The following SGCD variants were observed in gnomAD, a reference collection of about 807,000 sequenced individuals.
SGCD encodes the protein sarcoglycan delta, also known as delta-sarcoglycan.
Under a neutral mutation model 36.6 loss-of-function variants are expected in SGCD, and 18 were observed. The observed-to-expected ratio is 0.49, with a 90% CI of 0.34 to 0.73. The LOEUF (loss-of-function observed/expected upper bound fraction) is 0.73, where lower values mean the gene tolerates loss of function less well. Ranked by LOEUF, SGCD falls within the 30% of genes least tolerant of loss-of-function variation. The pLI, the probability that SGCD is intolerant of heterozygous loss-of-function variation, is 0.01. For missense variants in SGCD, 387 were observed against 346.7 expected (o/e 1.12, Z -0.92); for synonymous variants, 133 against 130.6 (o/e 1.02, Z -0.12).
chr5:155,764,430 G>A, the SGCD span, among the ~76,000 whole-genome samples: 3 of 152,174 alleles, frequency 2.0e-5, no homozygotes, highest in African/African-American at 4.8e-5. Context: ...GGCCAGAACT[G>A]TTTTGAGCTG....
intron 3 of SGCD, among the ~76,000 whole-genome samples, chr5:156,418,717 C>G (rs1773161812): frequency 6.6e-6 from 1 of 152,126 alleles, no homozygotes; most frequent in African/African-American, 2.4e-5. Flanking sequence ...GCAGGACATT[C>G]AGAAAACAAA....
chr5:156,364,442 C>A lies in SGCD; in HGVS notation c.192+19765C>A, dbSNP rs370162205. ...TACTTTGCAAATTTGGCTTTGGGGG[C>A]AGTGCATGGCTTATAGGCAGAAGGA... On this transcript the variant is annotated intron_variant, in intron 3 of 8. Transcript: ENST00000337851. 3.3e-5 allele frequency among the ~76,000 whole-genome samples: 5 copies of A among 151,912 alleles called. No homozygotes were observed. The East Asian group carries it at 9.7e-4, about 29-fold the overall frequency.
intron 7 of SGCD, among the ~76,000 whole-genome samples, chr5:156,700,543 C>A (rs75107684): frequency 0.026 from 4,012 of 152,204 alleles, 176 homozygotes; most frequent in African/African-American, 0.091. Context: ...TCCTTTGCAC[C>A]TATTCAAGGA....
At chr5:156,301,237 T>A (rs1767047465) in intron 3 of SGCD, among the ~76,000 whole-genome samples, 1 of 152,084 alleles carries the variant, frequency 6.6e-6, no homozygotes, top group Admixed American at 6.5e-5. Flanking sequence ...AATGTTTTAC[T>A]TTTTATTTTT....
At chr5:156,385,713 G>A (rs761192639) in intron 3 of SGCD, among the ~76,000 whole-genome samples, 2 of 152,186 alleles carry the variant, frequency 1.3e-5, no homozygotes, top group Non-Finnish European at 2.9e-5. Context: ...GGGAGGGAAG[G>A]CAGACAGAAT....
intron 1 of SGCD, among the ~76,000 whole-genome samples, chr5:156,052,690 G>A (rs190950907): frequency 6.9e-6 from 1 of 145,838 alleles, no homozygotes; most frequent in Admixed American, 6.8e-5. Flanking sequence ...AGTGCAAAAT[G>A]CAGGGTTCCT....
At chr5:156,241,331 G>A (rs1305840113) in intron 3 of SGCD, among the ~76,000 whole-genome samples, 3 of 151,044 alleles carry the variant, frequency 2.0e-5, no homozygotes, top group Non-Finnish European at 4.4e-5. Context: ...TTGAAAGTTT[G>A]GAAAATAGTC....
chr5:156,096,299 G>A (rs1761374383), intron 1 of SGCD, among the ~76,000 whole-genome samples: 1 of 152,208 alleles, frequency 6.6e-6, no homozygotes, highest in African/African-American at 2.4e-5. Context: ...AGGTTCAGCT[G>A]CCTGCTACTT....
the SGCD span, among the ~76,000 whole-genome samples, chr5:155,736,316 A>T: frequency 6.6e-6 from 1 of 152,194 alleles, no homozygotes; most frequent in African/African-American, 2.4e-5. Flanking sequence ...CCAAACTAAC[A>T]AGACTCTGAT....
chr5:156,725,744 G>A (rs1009296983), intron 7 of SGCD, among the ~76,000 whole-genome samples: 3 of 152,202 alleles, frequency 2.0e-5, no homozygotes. Context: ...CTGCTCAGCA[G>A]GGGTTATGGG....
chr5:156,479,776 C>A (rs1011192470), intron 3 of SGCD, among the ~76,000 whole-genome samples: 3 of 152,122 alleles, frequency 2.0e-5, no homozygotes, highest in Non-Finnish European at 4.4e-5. Context: ...TAATTTTGTT[C>A]TTAGAGAGGA....
the SGCD span, among the ~76,000 whole-genome samples, chr5:155,849,838 T>C: frequency 6.6e-6 from 1 of 152,176 alleles, no homozygotes. Context: ...GAAGTACAAA[T>C]GTTAGTGAAG....
At chr5:156,648,858 G>A (rs1763339348) in intron 7 of SGCD, among the ~76,000 whole-genome samples, 1 of 152,102 alleles carries the variant, frequency 6.6e-6, no homozygotes, top group African/African-American at 2.4e-5. Context: ...TTGCCTGAGA[G>A]TGCAGTGAAC....
chr5:156,449,353 G>A (rs575268410), intron 3 of SGCD, among the ~76,000 whole-genome samples: 13 of 152,118 alleles, frequency 8.5e-5, no homozygotes, highest in South Asian at 8.3e-4. Flanking sequence ...TTGTAAGGGC[G>A]GAACTAAGTC....
At chr5:155,814,775 A>G in the SGCD span, among the ~76,000 whole-genome samples, 1 of 152,188 alleles carries the variant, frequency 6.6e-6, no homozygotes, top group African/African-American at 2.4e-5. Flanking sequence ...ATCAACCACA[A>G]ACTAAACTCT....
At chr5:155,891,362 A>G (rs1263579640) in intron 1 of SGCD, among the ~76,000 whole-genome samples, 1 of 152,118 alleles carries the variant, frequency 6.6e-6, no homozygotes, top group East Asian at 1.9e-4. Context: ...CTTGAGCAGT[A>G]AATGTCTATC....
intron 3 of SGCD, among the ~76,000 whole-genome samples, chr5:156,400,289 T>G (rs916349617): frequency 6.6e-6 from 1 of 152,200 alleles, no homozygotes; most frequent in Non-Finnish European, 1.5e-5. Flanking sequence ...TGGAGATATG[T>G]TATTGACACT....
chr5:156,629,158 G>A (rs1762539016), intron 6 of SGCD, among the ~76,000 whole-genome samples: 1 of 152,180 alleles, frequency 6.6e-6, no homozygotes, highest in Non-Finnish European at 1.5e-5. Context: ...TGGCATTGGA[G>A]TAAATCATTG....
intron 3 of SGCD, among the ~76,000 whole-genome samples, chr5:156,392,724 G>A (rs183285065): frequency 7.2e-4 from 109 of 152,276 alleles, no homozygotes; most frequent in African/African-American, 2.5e-3. Flanking sequence ...TCAGCAGGTA[G>A]GGTAGCCAGA....
Sources: gnomAD v4.1 joint callset for allele counts (sites outside exome capture counted in the v4.1 genomes callset) on GRCh38, gnomAD v4.1.1 for gene constraint, MANE v1.5 for transcripts, NCBI Gene and HGNC (gene_info 2026-07-23, HGNC 2026-07-21) for gene names.